Variants in FGF12 observed in about 807,000 individuals in gnomAD.
The protein encoded by FGF12 is fibroblast growth factor 12B.
In FGF12, 14 loss-of-function variants were observed where a neutral mutation model predicts 23.6. The observed-to-expected ratio is 0.59, with a 90% CI of 0.39 to 0.93. The LOEUF (loss-of-function observed/expected upper bound fraction) is 0.93. Among genes scored for constraint, FGF12 ranks in the 40% least tolerant of loss-of-function variants. The pLI, the probability that FGF12 is intolerant of heterozygous loss-of-function variation, is 0.00. For missense variants in FGF12, 175 were observed against 217.8 expected (o/e 0.80, Z 1.24); for synonymous variants, 62 against 77.3 (o/e 0.80, Z 1.04).
chr3:192,636,361 A>G (rs2108660576), intron 2 of FGF12, among the ~76,000 whole-genome samples: 1 of 152,332 alleles, frequency 6.6e-6, no homozygotes, highest in Non-Finnish European at 1.5e-5. Flanking sequence ...TTCAAATGCC[A>G]CATGTGGCCA....
In FGF12 at chr3:192,389,497, TGTC is replaced by T. The variant is rs1473002675; in HGVS notation, c.14-28962_14-28960del. Among the ~76,000 whole-genome samples, 7 of 152,386 alleles carry T rather than the reference TGTC, an allele frequency of 4.6e-5. No homozygotes were observed. In the East Asian group the frequency reaches 1.3e-3, roughly 29 times the overall value. On this transcript the variant is annotated intron_variant, in intron 2 of 5. Coordinates refer to ENST00000445105, the MANE Select transcript of FGF12 (RefSeq NM_004113.6). ...TCCTTTCAGCATGAGCATTTCCATT[TGTC>T]TATTCCAGATTTTAAAACAGAAACT...
intron 4 of FGF12, among the ~76,000 whole-genome samples, chr3:192,188,631 TA>T (rs1465064936): frequency 6.6e-6 from 1 of 152,222 alleles, no homozygotes; most frequent in Non-Finnish European, 1.5e-5. Flanking sequence ...AGAAATACAG[TA>T]AGACAAATGA....
At chr3:192,410,288 C>T (rs996470407) in intron 2 of FGF12, among the ~76,000 whole-genome samples, 5 of 152,136 alleles carry the variant, frequency 3.3e-5, no homozygotes, top group African/African-American at 9.6e-5. Flanking sequence ...CCTCTCCCTC[C>T]TCTCTGTGTC....
chr3:192,345,924 T>TTGCA (rs1436294628), intron 3 of FGF12, among the ~76,000 whole-genome samples: 1 of 152,148 alleles, frequency 6.6e-6, no homozygotes, highest in Non-Finnish European at 1.5e-5. Context: ...GCTCAAAGCT[T>TTGCA]TGCACGTTGT....
At chr3:192,685,241 TG>T (rs1717689545) in intron 2 of FGF12, among the ~76,000 whole-genome samples, 1 of 151,948 alleles carries the variant, frequency 6.6e-6, no homozygotes, top group South Asian at 2.1e-4. Context: ...TTAGTAGAGA[TG>T]GGGTTTCACC....
intron 4 of FGF12, among the ~76,000 whole-genome samples, chr3:192,333,747 A>C (rs1026857020): frequency 6.6e-6 from 1 of 152,118 alleles, no homozygotes; most frequent in Non-Finnish European, 1.5e-5. Flanking sequence ...CTGTAGCTTA[A>C]GTGAAAATCG....
chr3:192,228,365 C>G (rs1425075462), intron 4 of FGF12, among the ~76,000 whole-genome samples: 1 of 152,060 alleles, frequency 6.6e-6, no homozygotes, highest in Non-Finnish European at 1.5e-5. Context: ...ACCTCTTATT[C>G]TGTTGAGCAA....
chr3:192,229,794 C>T (rs1458109368), intron 4 of FGF12, among the ~76,000 whole-genome samples: 1 of 152,098 alleles, frequency 6.6e-6, no homozygotes. Context: ...AAGCGATCTA[C>T]TCATGGAATC....
At chr3:192,600,655 CA>C (rs1319281244) in intron 2 of FGF12, among the ~76,000 whole-genome samples, 1 of 151,774 alleles carries the variant, frequency 6.6e-6, no homozygotes, top group Non-Finnish European at 1.5e-5. Context: ...AGACATTTTT[CA>C]AAAGAAGATA....
chr3:192,332,928 G>A (rs1035332593), intron 4 of FGF12, among the ~76,000 whole-genome samples: 3 of 152,206 alleles, frequency 2.0e-5, no homozygotes, highest in South Asian at 2.1e-4. Flanking sequence ...TTTAACTCAC[G>A]AGGCGAAAGC....
intron 2 of FGF12, among the ~76,000 whole-genome samples, chr3:192,375,394 C>T (rs1012286329): frequency 6.6e-6 from 1 of 152,054 alleles, no homozygotes; most frequent in African/African-American, 2.4e-5. Context: ...TTGGAAATTA[C>T]AGTTCTGTCT....
chr3:192,537,506 G>A (rs1312871827), intron 2 of FGF12, among the ~76,000 whole-genome samples: 1 of 152,130 alleles, frequency 6.6e-6, no homozygotes, highest in African/African-American at 2.4e-5. Context: ...TAACTGGGGT[G>A]AGGTGACATA....
At chr3:192,661,959 A>G (rs1373564316) in intron 2 of FGF12, among the ~76,000 whole-genome samples, 1 of 152,154 alleles carries the variant, frequency 6.6e-6, no homozygotes, top group East Asian at 1.9e-4. Flanking sequence ...ATTCTACTTC[A>G]AGAAGCTTTA....
chr3:192,548,295 T>C (rs1725546404), intron 2 of FGF12, among the ~76,000 whole-genome samples: 1 of 152,294 alleles, frequency 6.6e-6, no homozygotes, highest in African/African-American at 2.4e-5. Context: ...TTGATACACA[T>C]GTTTAAAAAT....
intron 2 of FGF12, among the ~76,000 whole-genome samples, chr3:192,424,634 C>A (rs536805516): frequency 6.6e-6 from 1 of 152,102 alleles, no homozygotes; most frequent in Admixed American, 6.6e-5. Flanking sequence ...CAACTATAGT[C>A]TAGGGAAAAT....
At chr3:192,244,276 A>C (rs2108598137) in intron 4 of FGF12, among the ~76,000 whole-genome samples, 1 of 152,236 alleles carries the variant, frequency 6.6e-6, no homozygotes, top group South Asian at 2.1e-4. Flanking sequence ...ATAATAGCAA[A>C]ATATTGAGGC....
chr3:192,416,955 C>T (rs1721377127), intron 2 of FGF12, among the ~76,000 whole-genome samples: 1 of 152,088 alleles, frequency 6.6e-6, no homozygotes, highest in African/African-American at 2.4e-5. Context: ...ACAGTATTTG[C>T]AGCAGGAAGA....
chr3:192,598,164 T>C (rs1310378246), intron 2 of FGF12, among the ~76,000 whole-genome samples: 1 of 152,228 alleles, frequency 6.6e-6, no homozygotes, highest in African/African-American at 2.4e-5. Flanking sequence ...ATTGCAGATG[T>C]ACTACAGTCT....
At chr3:192,313,441 C>A (rs1456822659) in intron 4 of FGF12, among the ~76,000 whole-genome samples, 1 of 152,188 alleles carries the variant, frequency 6.6e-6, no homozygotes, top group African/African-American at 2.4e-5. Flanking sequence ...AAGAGAAAAC[C>A]TTTTCCCATC....
Sources: gnomAD v4.1 joint callset for allele counts (sites outside exome capture counted in the v4.1 genomes callset) on GRCh38, gnomAD v4.1.1 for gene constraint, MANE v1.5 for transcripts, NCBI Gene and HGNC (gene_info 2026-07-23, HGNC 2026-07-21) for gene names.